The following WDPCP variants were observed in gnomAD, a reference collection of about 807,000 sequenced individuals.
The protein encoded by WDPCP is WD repeat containing planar cell polarity effector, also known as WD repeat-containing and planar cell polarity effector protein fritz homolog.
WDPCP carries 71 observed loss-of-function variants against 93.1 expected under a neutral mutation model. The ratio of observed to expected loss-of-function variants is 0.76; its 90% CI spans 0.63 to 0.93. WDPCP has a LOEUF of 0.93. Ranked by LOEUF, WDPCP falls within the 40% of genes least tolerant of loss-of-function variation. The probability of loss-of-function intolerance (pLI) is 0.00; values close to 1 mark genes in which losing one functional copy is unlikely to be tolerated. For synonymous variants in WDPCP, 315 were observed against 315.0 expected, an observed-to-expected ratio of 1.00 and a Z score of 0.00; for missense variants, 844 against 887.4, an observed-to-expected ratio of 0.95 and a Z score of 0.62.
chr2:63,655,241 CT>C (rs1421115038), intron 2 of WDPCP, among the ~76,000 whole-genome samples: 7 of 152,168 alleles, frequency 4.6e-5, no homozygotes, highest in African/African-American at 1.7e-4. Flanking sequence ...CACATTTTGG[CT>C]TTTCACCAAA....
chr2:63,634,982 A>G (rs1709906214), intron 3 of WDPCP, among the ~76,000 whole-genome samples: 1 of 152,002 alleles, frequency 6.6e-6, no homozygotes, highest in Admixed American at 6.6e-5. Flanking sequence ...ACAAACATTT[A>G]GCTAAATTAA....
At chr2:63,702,142 C>T (rs971074913) in intron 2 of WDPCP, among the ~76,000 whole-genome samples, 1 of 152,194 alleles carries the variant, frequency 6.6e-6, no homozygotes, top group African/African-American at 2.4e-5. Flanking sequence ...TCTCCTGCCT[C>T]AGCCTCCCGA....
intron 3 of WDPCP, chr2:63,607,012 T>C: frequency 6.3e-7 from 1 of 1,594,724 alleles, no homozygotes; most frequent in African/African-American, 1.3e-5. Context: ...TACTAAATGC[T>C]TCAAAGCTGA....
At chr2:63,267,950 T>A (rs1682283227) in intron 13 of WDPCP, among the ~76,000 whole-genome samples, 1 of 152,124 alleles carries the variant, frequency 6.6e-6, no homozygotes, top group Non-Finnish European at 1.5e-5. Flanking sequence ...CACCATATGA[T>A]CTAGCAATTG....
At chr2:63,171,651 T>A (rs1673397526) in intron 15 of WDPCP, among the ~76,000 whole-genome samples, 1 of 152,154 alleles carries the variant, frequency 6.6e-6, no homozygotes, top group Non-Finnish European at 1.5e-5. Flanking sequence ...GAATTAAATA[T>A]AAACTTAGAA....
chr2:63,632,244 C>T (rs1220478169), intron 3 of WDPCP, among the ~76,000 whole-genome samples: 3 of 152,050 alleles, frequency 2.0e-5, no homozygotes, highest in Non-Finnish European at 4.4e-5. Flanking sequence ...ATAAAATACA[C>T]AGATATCAAC....
intron 2 of WDPCP, among the ~76,000 whole-genome samples, chr2:63,681,358 G>A (rs1423966021): frequency 6.6e-6 from 1 of 152,110 alleles, no homozygotes; most frequent in Admixed American, 6.5e-5. Flanking sequence ...ACCACAAGCT[G>A]ACTGAAGAGT....
chr2:63,720,310 G>C (rs1168138555), intron 2 of WDPCP, among the ~76,000 whole-genome samples: 6 of 151,760 alleles, frequency 4.0e-5, no homozygotes, highest in Admixed American at 3.9e-4. Flanking sequence ...CCAGCTACTC[G>C]GGAGGCTGAG....
At chr2:63,652,273 A>T (rs745778493) in intron 2 of WDPCP, among the ~76,000 whole-genome samples, 1 of 152,236 alleles carries the variant, frequency 6.6e-6, no homozygotes, top group Non-Finnish European at 1.5e-5. Context: ...AGGCTTGTGT[A>T]TGGCTTCCAG....
chr2:63,235,429 A>T (rs1224598079), intron 14 of WDPCP, among the ~76,000 whole-genome samples: 1 of 152,182 alleles, frequency 6.6e-6, no homozygotes, highest in South Asian at 2.1e-4. Flanking sequence ...ACAAAGAAGA[A>T]CTTGTACCAA....
At chr2:63,142,817 G>GAT (rs1478076757) in intron 17 of WDPCP, among the ~76,000 whole-genome samples, 1 of 146,386 alleles carries the variant, frequency 6.8e-6, no homozygotes, top group Non-Finnish European at 1.5e-5. Context: ...CAGTGTTAGG[G>GAT]GTGTGTGTGT....
intron 12 of WDPCP, among the ~76,000 whole-genome samples, chr2:63,374,781 A>G (rs1490873732): frequency 6.6e-6 from 1 of 152,090 alleles, no homozygotes; most frequent in African/African-American, 2.4e-5. Flanking sequence ...TATCTACCAC[A>G]TGTATTCTGA....
intron 17 of WDPCP, among the ~76,000 whole-genome samples, chr2:63,136,439 T>C (rs968715096): frequency 1.3e-5 from 2 of 152,058 alleles, no homozygotes; most frequent in Non-Finnish European, 1.5e-5. Context: ...ATAATATGGG[T>C]ATAATAAAAT....
intron 2 of WDPCP, chr2:63,711,658 G>A (rs1669265931): frequency 6.6e-6 from 1 of 152,320 alleles, no homozygotes; most frequent in Admixed American, 6.5e-5. Flanking sequence ...CTTCTTGGGA[G>A]GCTAAAGGGG....
chr2:63,767,584 T>C (rs1002942532), intron 2 of WDPCP, among the ~76,000 whole-genome samples: 7 of 152,148 alleles, frequency 4.6e-5, no homozygotes, highest in Admixed American at 6.6e-5. Flanking sequence ...CATTCTGTAA[T>C]GATCAATGAT....
At chr2:63,367,231 A>G (rs573838805) in intron 12 of WDPCP, among the ~76,000 whole-genome samples, 1 of 152,156 alleles carries the variant, frequency 6.6e-6, no homozygotes, top group South Asian at 2.1e-4. Context: ...TAAAAAAGTA[A>G]GAATCTCATA....
chr2:63,688,608 T>G (rs1668846109), intron 2 of WDPCP, among the ~76,000 whole-genome samples: 1 of 151,938 alleles, frequency 6.6e-6, no homozygotes, highest in Non-Finnish European at 1.5e-5. Context: ...AATTGTACAT[T>G]TAAAAATAAC....
chr2:63,339,038 C>G (rs538001113), intron 12 of WDPCP, among the ~76,000 whole-genome samples: 11 of 151,962 alleles, frequency 7.2e-5, no homozygotes, highest in Non-Finnish European at 1.3e-4. Flanking sequence ...GTATGTGTGT[C>G]TCTTCAATTT....
intron 2 of WDPCP, chr2:63,752,340 C>A (rs1343068688): frequency 1.3e-6 from 1 of 792,398 alleles, no homozygotes; most frequent in African/African-American, 1.7e-5. Flanking sequence ...GTTAGGTGGG[C>A]ACCTGGTCTT....
Sources: allele counts gnomAD v4.1 joint callset (sites outside exome capture counted in the v4.1 genomes callset), GRCh38; gene constraint gnomAD v4.1.1; transcripts MANE v1.5; gene names NCBI Gene and HGNC (gene_info 2026-07-23, HGNC 2026-07-21).